Variants in KATNAL2 observed in about 807,000 individuals in gnomAD.
KATNAL2 encodes the protein katanin p60 ATPase-containing subunit A-like 2.
KATNAL2 carries 52 observed loss-of-function variants against 76.3 expected under a neutral mutation model. The ratio of observed to expected loss-of-function variants is 0.68; its 90% CI spans 0.55 to 0.86. The LOEUF is 0.86. KATNAL2 is among the 40% of genes least tolerant of loss of function. The pLI, the probability that KATNAL2 is intolerant of heterozygous loss-of-function variation, is 0.00. For missense variants in KATNAL2, 660 were observed against 668.9 expected, an observed-to-expected ratio of 0.99 and a Z score of 0.15; for synonymous variants, 243 against 244.2, an observed-to-expected ratio of 1.00 and a Z score of 0.05.
At chr18:47,075,426 CT>C (rs1410357572) in intron 14 of KATNAL2, 58 bp downstream of exon 14, 2 of 1,270,980 alleles carry the variant, frequency 1.6e-6, no homozygotes, top group Non-Finnish European at 1.0e-6. Flanking sequence ...CTTCTCCCCT[CT>C]TGTGTGTTTG....
rs918276678 is a variant in KATNAL2 at position 47,101,577 on chromosome 18, C to A, written c.*572C>A. On this transcript the variant is annotated 3_prime_UTR_variant, in exon 18 of 18. Transcript: ENST00000683218. ...AACCCCTCCCAAACTAAGCCCCACT[C>A]AGAAATGTCACTGAGCATTCTGATG... 6.5e-6 allele frequency: 1 copy of A among 154,834 alleles called. No homozygotes were observed. The highest frequency in any genetic ancestry group is 2.4e-5 in the African/African-American group (1 of 41,452). The allele number at this position is 154,834 out of a possible 1,614,324, so 9.6% of individuals were successfully genotyped here. A position where few individuals can be genotyped will look rare whatever the true frequency, so the allele number is the denominator to read the frequency against.
intron 12 of KATNAL2, 69 bp downstream of exon 12, chr18:47,069,352 C>T: frequency 2.1e-6 from 3 of 1,425,404 alleles, no homozygotes; most frequent in Non-Finnish European, 2.9e-6. Context: ...CCCCTTCTGT[C>T]CTCACTTCAG....
intron 3 of KATNAL2, chr18:47,032,917 C>A: frequency 6.2e-7 from 1 of 1,608,226 alleles, no homozygotes; most frequent in Non-Finnish European, 8.5e-7. Flanking sequence ...GTTCTGGTGT[C>A]CATTGGAAGT....
chr18:47,035,474 C>T (rs2060729504), intron 3 of KATNAL2: 22 of 1,071,510 alleles, frequency 2.1e-5, no homozygotes, highest in South Asian at 3.4e-5. Flanking sequence ...GCTGAGCAGG[C>T]CCGCTTTTGT....
chr18:47,031,664 G>A (rs1844467637), intron 3 of KATNAL2, among the ~76,000 whole-genome samples: 1 of 152,152 alleles, frequency 6.6e-6, no homozygotes, highest in African/African-American at 2.4e-5. Flanking sequence ...TTTTAGTAGA[G>A]ATGGGATCTT....
At chr18:47,060,443 A>G (rs755073096) in intron 8 of KATNAL2, among the ~76,000 whole-genome samples, 1 of 152,148 alleles carries the variant, frequency 6.6e-6, no homozygotes, top group Non-Finnish European at 1.5e-5. Flanking sequence ...CTTGATAGAT[A>G]TTTTTACCTT....
At chr18:46,948,370 C>G (rs892876424) in intron 3 of KATNAL2, among the ~76,000 whole-genome samples, 1 of 151,622 alleles carries the variant, frequency 6.6e-6, no homozygotes, top group African/African-American at 2.4e-5. Flanking sequence ...CCTCAGCCTC[C>G]CAAAGTGCTA....
chr18:47,099,688 G>A (rs548897489), intron 16 of KATNAL2, among the ~76,000 whole-genome samples: 23 of 152,248 alleles, frequency 1.5e-4, no homozygotes, highest in South Asian at 1.0e-3. Flanking sequence ...GTGTGACCTC[G>A]GAGAAGTCAC....
At chr18:46,962,082 AT>A (rs1415208354) in intron 3 of KATNAL2, among the ~76,000 whole-genome samples, 2 of 152,064 alleles carry the variant, frequency 1.3e-5, no homozygotes, top group African/African-American at 4.8e-5. Flanking sequence ...TGCTGGCACT[AT>A]TTTCAGCCAC....
intron 3 of KATNAL2, among the ~76,000 whole-genome samples, chr18:46,952,003 C>G (rs534550080): frequency 3.8e-4 from 58 of 152,240 alleles, no homozygotes; most frequent in African/African-American, 1.2e-3. Context: ...AACCTCCTGG[C>G]CTCAAGTGCT....
Position 47,033,425 on chromosome 18 carries a change from C to A in KATNAL2, c.52-13032C>A, listed in dbSNP as rs764063647. The A allele has an allele frequency of 3.1e-6, 5 of 1,613,474 alleles. No homozygotes were observed. In the East Asian group the frequency reaches 8.9e-5, roughly 29 times the overall value. ...ATTACTCTCAGCCGCTGCTCTGGGG[C>A]GTCCGGAAGCCGCAGGTACTGCTCC... On this transcript the variant is annotated intron_variant, in intron 3 of 17. Coordinates refer to ENST00000683218, the MANE Select transcript of KATNAL2 (RefSeq NM_001387690.1).
chr18:46,957,596 C>T (rs1459700642), intron 3 of KATNAL2, among the ~76,000 whole-genome samples: 1 of 89,670 alleles, frequency 1.1e-5, no homozygotes, highest in African/African-American at 4.4e-5. Flanking sequence ...GAGTTTCACT[C>T]TTGTTGCCCA....
chr18:46,948,067 C>T (rs748223575), intron 3 of KATNAL2, among the ~76,000 whole-genome samples: 3 of 152,108 alleles, frequency 2.0e-5, no homozygotes, highest in African/African-American at 4.8e-5. Context: ...AAAACACAGC[C>T]GTAAACGTTC....
intron 11 of KATNAL2, among the ~76,000 whole-genome samples, chr18:47,067,509 C>T (rs912702291): frequency 6.6e-6 from 1 of 152,150 alleles, no homozygotes; most frequent in Non-Finnish European, 1.5e-5. Flanking sequence ...GCCCCCCTGA[C>T]CTACCCTCCC....
chr18:46,957,658 G>A (rs1365894366), intron 3 of KATNAL2, among the ~76,000 whole-genome samples: 2 of 148,280 alleles, frequency 1.3e-5, no homozygotes, highest in African/African-American at 2.5e-5. Flanking sequence ...TGCCTCCCAG[G>A]TTCAAGCGAT....
intron 3 of KATNAL2, among the ~76,000 whole-genome samples, chr18:46,954,647 G>GT (rs2059670960): frequency 6.6e-6 from 1 of 150,644 alleles, no homozygotes; most frequent in Non-Finnish European, 1.5e-5. Flanking sequence ...TGTTTTTTGG[G>GT]TTTTTTTGAG....
intron 1 of KATNAL2, among the ~76,000 whole-genome samples, chr18:46,933,746 C>T (rs955623122): frequency 3.3e-5 from 4 of 119,594 alleles, no homozygotes; most frequent in African/African-American, 6.6e-5. Flanking sequence ...CCCATTAACT[C>T]GTCATTTAGC....
intron 1 of KATNAL2, among the ~76,000 whole-genome samples, chr18:46,929,377 G>A (rs548667164): frequency 1.1e-4 from 17 of 151,934 alleles, no homozygotes; most frequent in African/African-American, 3.9e-4. Context: ...CAAGTAGCTG[G>A]GCCTACAGGT....
chr18:47,053,506 T>C (rs1308421384), intron 5 of KATNAL2, among the ~76,000 whole-genome samples: 2 of 152,150 alleles, frequency 1.3e-5, no homozygotes. Flanking sequence ...ATCCAGATAA[T>C]GATCAATATA....
Sources: gnomAD v4.1 joint callset for allele counts (sites outside exome capture counted in the v4.1 genomes callset) on GRCh38, gnomAD v4.1.1 for gene constraint, MANE v1.5 for transcripts, NCBI Gene and HGNC (gene_info 2026-07-23, HGNC 2026-07-21) for gene names.